Variants in BRINP1 observed in about 807,000 individuals in gnomAD.
BRINP1 encodes BMP/retinoic acid-inducible neural-specific protein 1.
BRINP1 carries 17 observed loss-of-function variants against 72.9 expected under a neutral mutation model. That is an observed-to-expected ratio of 0.23 (90% CI 0.16 to 0.35). The LOEUF is 0.35. Among genes scored for constraint, BRINP1 ranks in the 10% least tolerant of loss-of-function variants. BRINP1 has a pLI of 1.00. For synonymous variants in BRINP1, 418 were observed against 378.5 expected, an observed-to-expected ratio of 1.10 and a Z score of -1.21; for missense variants, 850 against 1,001.6, an observed-to-expected ratio of 0.85 and a Z score of 2.04.
intron 2 of BRINP1, among the ~76,000 whole-genome samples, chr9:119,306,705 T>C (rs1831001041): frequency 6.6e-6 from 1 of 152,332 alleles, no homozygotes; most frequent in South Asian, 2.1e-4. Flanking sequence ...GGCACTAGAA[T>C]TCCCAGAAGG....
chr9:119,324,846 T>A (rs1831223364), intron 1 of BRINP1, among the ~76,000 whole-genome samples: 1 of 152,142 alleles, frequency 6.6e-6, no homozygotes, highest in Non-Finnish European at 1.5e-5. Flanking sequence ...ATGTCTGTAA[T>A]CCCAACACTT....
At chr9:119,326,568 G>A (rs1278816994) in intron 1 of BRINP1, among the ~76,000 whole-genome samples, 1 of 152,084 alleles carries the variant, frequency 6.6e-6, no homozygotes, top group African/African-American at 2.4e-5. Flanking sequence ...CCCACATTTA[G>A]AAATGTGAGG....
At chr9:119,363,935 G>A (rs191081798) in intron 1 of BRINP1, among the ~76,000 whole-genome samples, 47 of 151,492 alleles carry the variant, frequency 3.1e-4, no homozygotes, top group Admixed American at 1.1e-3. Flanking sequence ...GACAGCTCTC[G>A]TCTACAGCAA....
intron 1 of BRINP1, among the ~76,000 whole-genome samples, chr9:119,323,110 G>A (rs566546894): frequency 2.6e-5 from 4 of 152,266 alleles, no homozygotes; most frequent in East Asian, 1.9e-4. Context: ...CTCTGACAGT[G>A]CTGAGCCCTC....
intron 1 of BRINP1, among the ~76,000 whole-genome samples, chr9:119,356,871 C>G (rs908725006): frequency 6.6e-6 from 1 of 151,826 alleles, no homozygotes; most frequent in African/African-American, 2.4e-5. Flanking sequence ...AGGGTATACT[C>G]AATATAGATT....
intron 3 of BRINP1, among the ~76,000 whole-genome samples, chr9:119,245,763 T>C (rs1564227364): frequency 1.3e-5 from 2 of 152,222 alleles, no homozygotes; most frequent in Non-Finnish European, 2.9e-5. Flanking sequence ...TATCCCCTTG[T>C]GAACTTACCT....
At chr9:119,278,837 G>A (rs1180742184) in intron 2 of BRINP1, among the ~76,000 whole-genome samples, 3 of 152,122 alleles carry the variant, frequency 2.0e-5, no homozygotes, top group Admixed American at 1.3e-4. Flanking sequence ...GCAGTGAGCC[G>A]AGATTGCGCC....
chr9:119,281,797 T>C (rs1830715513), intron 2 of BRINP1, among the ~76,000 whole-genome samples: 1 of 152,220 alleles, frequency 6.6e-6, no homozygotes, highest in South Asian at 2.1e-4. Context: ...CAACAATATA[T>C]CATGGTTTTT....
chr9:119,180,822 C>T (rs1829548546), intron 7 of BRINP1, among the ~76,000 whole-genome samples: 1 of 152,078 alleles, frequency 6.6e-6, no homozygotes, highest in African/African-American at 2.4e-5. Flanking sequence ...ATGTTACGGT[C>T]CCTTGTCATG....
chr9:119,168,387 A>C (rs1470880986), intron 7 of BRINP1, among the ~76,000 whole-genome samples, 163 bp from the exon 8 acceptor site: 1 of 152,234 alleles, frequency 6.6e-6, no homozygotes, highest in Non-Finnish European at 1.5e-5. Context: ...TAAGAACTAC[A>C]TTGTAGCTCC....
chr9:119,350,964 T>C (rs1293156528), intron 1 of BRINP1, among the ~76,000 whole-genome samples: 1 of 151,656 alleles, frequency 6.6e-6, no homozygotes, highest in African/African-American at 2.4e-5. Context: ...GTTTGTTACA[T>C]AGGTATACAT....
chr9:119,352,405 T>G (rs951234611), intron 1 of BRINP1, among the ~76,000 whole-genome samples: 2 of 152,202 alleles, frequency 1.3e-5, no homozygotes, highest in East Asian at 3.8e-4. Context: ...TCATTTCATT[T>G]CATGATTCTA....
chr9:119,340,332 A>T (rs759373495), intron 1 of BRINP1, among the ~76,000 whole-genome samples: 3 of 152,160 alleles, frequency 2.0e-5, no homozygotes, highest in Non-Finnish European at 4.4e-5. Flanking sequence ...CGGCAGCTGA[A>T]GTAAAGTTAA....
rs955216909 is a variant in BRINP1 at position 119,173,913 on chromosome 9, G to T, written c.1146-5689C>A. ...GGGAAAGGATTCCCTATTTAATGGT[G>T]CTGGGAAAACTGGCTAGCCATATGT... On this transcript the variant is annotated intron_variant, in intron 7 of 7. Transcript: ENST00000265922. 1.9e-4 allele frequency among the ~76,000 whole-genome samples: 24 copies of T among 127,864 alleles called. 2 individuals carry two copies. Among genetic ancestry groups the T allele is most frequent in the Admixed American group, 8.9e-4 (12 of 13,488 alleles). The allele number at this position is 127,864 out of a possible 152,430, so 83.9% of individuals were successfully genotyped here.
At chr9:119,182,097 T>C (rs1349872201) in intron 7 of BRINP1, among the ~76,000 whole-genome samples, 1 of 152,218 alleles carries the variant, frequency 6.6e-6, no homozygotes, top group African/African-American at 2.4e-5. Context: ...CAAATGCTGC[T>C]GGATCAGTTG....
chr9:119,244,716 T>C (rs1298934634), intron 3 of BRINP1, among the ~76,000 whole-genome samples: 4 of 152,226 alleles, frequency 2.6e-5, no homozygotes, highest in African/African-American at 4.8e-5. Context: ...ATGGGCTTCT[T>C]GCTGCATTAT....
intron 7 of BRINP1, among the ~76,000 whole-genome samples, chr9:119,205,722 C>T (rs1255973469): frequency 6.6e-6 from 1 of 152,126 alleles, no homozygotes; most frequent in Non-Finnish European, 1.5e-5. Context: ...GCTTGGTGTT[C>T]TGGAGATTTC....
chr9:119,167,122 G>C lies in BRINP1; in HGVS notation c.2248C>G (p.Leu750Val). Residue 750 changes from leucine (L) to valine (V), a missense_variant, in exon 8 of 8, where the codon CTC becomes GTC. By Grantham distance (32) the Leu-to-Val change is conservative (BLOSUM62 1). Transcript: ENST00000265922. This position sits in a 1 kb window ranked among gnomAD's most constrained non-coding sequence, Gnocchi z 4.3. The stretch of plus-strand genomic sequence containing the variant: ...GCTGTCATCTGGTCCGACTGTTTGA[G>C]GATCTCCGTGTTGTACAGGTCCAAG... ...HALDLYNTEI[L>V]KQSDQMTAKL... 6.2e-7 allele frequency: 1 copy of C among 1,612,300 alleles called. No individual in the cohort carries two copies. The highest frequency in any genetic ancestry group is 8.5e-7 in the Non-Finnish European group (1 of 1,178,824).
intron 5 of BRINP1, among the ~76,000 whole-genome samples, chr9:119,234,429 C>T (rs1457649894): frequency 6.8e-6 from 1 of 147,220 alleles, no homozygotes; most frequent in African/African-American, 2.7e-5. Context: ...AGTGCTTGTT[C>T]ATGTCTTTCA....
Sources: gnomAD v4.1 joint callset for allele counts (sites outside exome capture counted in the v4.1 genomes callset) on GRCh38, gnomAD v4.1.1 for gene constraint, Gnocchi (gnomAD v3.1) non-coding constraint, MANE v1.5 for transcripts, NCBI Gene and HGNC (gene_info 2026-07-23, HGNC 2026-07-21) for gene names.